The following PPM1D variants were observed in gnomAD, a reference collection of about 807,000 sequenced individuals.
PPM1D encodes the protein protein phosphatase 1D.
In PPM1D, 52 loss-of-function variants were observed where a neutral mutation model predicts 58.3. The ratio of observed to expected loss-of-function variants is 0.89; its 90% CI spans 0.71 to 1.12. The LOEUF is 1.12. Among genes scored for constraint, PPM1D ranks in the 50% most tolerant of loss-of-function variants. The probability of loss-of-function intolerance (pLI) is 0.00; values close to 1 mark genes in which losing one functional copy is unlikely to be tolerated. For missense variants in PPM1D, 564 were observed against 777.2 expected (o/e 0.73, Z 3.26); for synonymous variants, 278 against 285.1 (o/e 0.98, Z 0.25).
intron 3 of PPM1D, among the ~76,000 whole-genome samples, chr17:60,639,506 C>T (rs535127195): frequency 3.3e-5 from 5 of 152,044 alleles, no homozygotes; most frequent in African/African-American, 4.8e-5. Context: ...GGCACGATCT[C>T]GGCTCATTGC....
Position 60,600,565 on chromosome 17 carries a change from C to A in PPM1D, c.151C>A (p.Pro51Thr). 1 of 1,552,508 alleles carries A rather than the reference C, an allele frequency of 6.4e-7. No homozygotes were observed. Among genetic ancestry groups the A allele is most frequent in the Non-Finnish European group, 8.7e-7 (1 of 1,148,622 alleles). ...PRRSLSQPLP[P>T]RPSPAALPGG... ...GCGGTCGCTGTCTCAGCCGTTGCCT[C>A]CGCGGCCGTCGCCGGCCGCCCTTCC... The change falls in exon 1 of 6, where the codon CCG (proline) becomes ACG (threonine). Residue 51 changes from proline to threonine, a missense_variant. By Grantham distance (38) the Pro-to-Thr change is conservative (BLOSUM62 -1). This residue lies in a region of PPM1D where 132 missense variants were observed against 150.4 expected (regional missense o/e 0.88). Coordinates refer to ENST00000305921, the MANE Select transcript of PPM1D (RefSeq NM_003620.4).
chr17:60,637,593 G>A (rs1296958978), intron 3 of PPM1D, among the ~76,000 whole-genome samples: 1 of 152,100 alleles, frequency 6.6e-6, no homozygotes, highest in African/African-American at 2.4e-5. Context: ...TTGATTTCAG[G>A]TGTTGTCTAG....
chr17:60,630,047 AT>A (rs202075313), intron 2 of PPM1D, among the ~76,000 whole-genome samples: 7,120 of 152,044 alleles, frequency 0.047, 584 homozygotes, highest in African/African-American at 0.16. Flanking sequence ...CTCAAAAAAA[AT>A]AAAATAAAAT....
intron 1 of PPM1D, among the ~76,000 whole-genome samples, chr17:60,601,329 A>G (rs190031993): frequency 1.3e-5 from 2 of 152,328 alleles, no homozygotes; most frequent in African/African-American, 2.4e-5. Flanking sequence ...GTTGCCTCCT[A>G]CCGGTGGTGT....
intron 5 of PPM1D, among the ~76,000 whole-genome samples, chr17:60,661,105 G>T (rs2031517979): frequency 1.3e-5 from 2 of 151,036 alleles, no homozygotes. Flanking sequence ...TGTAGTCCTA[G>T]CTACTCAGGA....
At chr17:60,629,487 T>A (rs369363352) in intron 2 of PPM1D, among the ~76,000 whole-genome samples, 4 of 152,208 alleles carry the variant, frequency 2.6e-5, no homozygotes, top group African/African-American at 9.7e-5. Flanking sequence ...CAAAGTTAGA[T>A]GAACCTCCTT....
At chr17:60,656,492 C>G in intron 4 of PPM1D, 107 bp from the exon 5 acceptor site, 11 of 1,366,894 alleles carry the variant, frequency 8.0e-6, no homozygotes, top group African/African-American at 1.5e-5. Flanking sequence ...AAATTGGGAG[C>G]TTTGTTTGGG....
intron 1 of PPM1D, among the ~76,000 whole-genome samples, chr17:60,621,686 G>T (rs2030706469): frequency 6.8e-6 from 1 of 146,784 alleles, no homozygotes; most frequent in South Asian, 2.1e-4. Context: ...CCATTCTCTT[G>T]CCTCAGCCTC....
intron 1 of PPM1D, among the ~76,000 whole-genome samples, chr17:60,602,058 G>C (rs2030225300): frequency 1.3e-5 from 2 of 152,196 alleles, no homozygotes; most frequent in East Asian, 3.8e-4. Flanking sequence ...AGATTAGCCG[G>C]TTTCAAAGTC....
At chr17:60,646,184 C>T (rs1255308633) in intron 3 of PPM1D, among the ~76,000 whole-genome samples, 1 of 152,132 alleles carries the variant, frequency 6.6e-6, no homozygotes, top group Non-Finnish European at 1.5e-5. Context: ...TCTTTGTGAG[C>T]TTATCTGGAT....
At chr17:60,625,915 T>C (rs1377205220) in intron 2 of PPM1D, among the ~76,000 whole-genome samples, 1 of 152,150 alleles carries the variant, frequency 6.6e-6, no homozygotes, top group Non-Finnish European at 1.5e-5. Context: ...GGATATGCTA[T>C]GGAAGGTCTC....
At chr17:60,633,010 G>T (rs1014069325) in intron 2 of PPM1D, among the ~76,000 whole-genome samples, 2 of 151,954 alleles carry the variant, frequency 1.3e-5, no homozygotes, top group Middle Eastern at 6.8e-3. Flanking sequence ...GGCTGGGCAC[G>T]GTGGCTGACG....
Position 60,663,725 on chromosome 17 carries a change from G to T in PPM1D, c.*173G>T. ...TTGTACTTGCTTGTATTGTAAATGT[G>T]GATTTTGTAGATGTTAGGGTATAAG... On this transcript the variant is annotated 3_prime_UTR_variant, in exon 6 of 6. Coordinates refer to ENST00000305921, the MANE Select transcript of PPM1D (RefSeq NM_003620.4). The T allele has an allele frequency of 1.5e-6, 1 of 675,994 alleles. No homozygotes were observed. The highest frequency in any genetic ancestry group is 3.0e-5 in the Admixed American group (1 of 33,100). The allele number at this position is 675,994 out of a possible 1,614,324, so 41.9% of individuals were successfully genotyped here.
At chr17:60,611,745 T>C (rs1339031992) in intron 1 of PPM1D, among the ~76,000 whole-genome samples, 3 of 152,224 alleles carry the variant, frequency 2.0e-5, no homozygotes, top group Non-Finnish European at 4.4e-5. Context: ...TTTTGGATAC[T>C]AATTCTTTGT....
chr17:60,660,070 A>G (rs2031501229), intron 5 of PPM1D, among the ~76,000 whole-genome samples: 1 of 151,804 alleles, frequency 6.6e-6, no homozygotes. Flanking sequence ...GTGTGGTGAC[A>G]TGTGCCTGTA....
rs752168086 is a variant in PPM1D, at chr17:60,656,716, G to A, written c.1135G>A (p.Val379Met). 2 of 1,614,220 alleles carry A rather than the reference G, an allele frequency of 1.2e-6. No individual in the cohort carries two copies. The highest frequency in any genetic ancestry group is 1.7e-5 in the Admixed American group (1 of 60,010). ...CATAGTAATCTGCATCTCTCCAGAAGTGGACAATCAGGGAAACTTTACCAA... is the reference window on the plus strand; with the variant it reads ...CATAGTAATCTGCATCTCTCCAGAAATGGACAATCAGGGAAACTTTACCAA... ...SAIVICISPE[V>M]DNQGNFTNED... Residue 379 changes from valine (V) to methionine (M), a missense_variant, in exon 5 of 6, where the codon GTG becomes ATG. This residue lies in a region of PPM1D where 261 missense variants were observed against 270.1 expected (regional missense o/e 0.97). Transcript: ENST00000305921.
chr17:60,660,855 A>G (rs1289516310), intron 5 of PPM1D, among the ~76,000 whole-genome samples: 1 of 152,054 alleles, frequency 6.6e-6, no homozygotes. Flanking sequence ...TTTGTTTTTA[A>G]CTCTAGACAA....
At chr17:60,622,052 T>C (rs562470709) in intron 1 of PPM1D, among the ~76,000 whole-genome samples, 15 of 151,250 alleles carry the variant, frequency 9.9e-5, no homozygotes, top group Non-Finnish European at 1.9e-4. Context: ...TAGTTGGGTG[T>C]GGTGGCAGGC....
At chr17:60,630,759 G>T (rs1371612094) in intron 2 of PPM1D, among the ~76,000 whole-genome samples, 1 of 152,214 alleles carries the variant, frequency 6.6e-6, no homozygotes, top group Non-Finnish European at 1.5e-5. Flanking sequence ...CGAGAGAGCT[G>T]CTCGTCTAGT....
Sources: gnomAD v4.1 joint callset for allele counts (sites outside exome capture counted in the v4.1 genomes callset) on GRCh38, gnomAD v4.1.1 for gene constraint, gnomAD v4.1.1 regional missense constraint, MANE v1.5 for transcripts, NCBI Gene and HGNC (gene_info 2026-07-23, HGNC 2026-07-21) for gene names.